Variants in XYLB observed in about 807,000 individuals in gnomAD.
XYLB encodes the protein xylulose kinase.
XYLB carries 62 observed loss-of-function variants against 78.7 expected under a neutral mutation model. The observed-to-expected ratio is 0.79, with a 90% CI of 0.64 to 0.97. The LOEUF (loss-of-function observed/expected upper bound fraction) is 0.97, where lower values mean the gene tolerates loss of function less well. XYLB is among the 50% of genes least tolerant of loss of function. The pLI, the probability that XYLB is intolerant of heterozygous loss-of-function variation, is 0.00. For synonymous variants in XYLB, 245 were observed against 247.4 expected, an observed-to-expected ratio of 0.99 and a Z score of 0.09; for missense variants, 687 against 676.8, an observed-to-expected ratio of 1.02 and a Z score of -0.17.
chr3:38,376,899 C>A lies in XYLB; in HGVS notation c.1121-19C>A, dbSNP rs1308415073. ...TTTTTTGACTAATGACGGCTGATCT[C>A]TTCCTGGTTTTATTTCAGGTTTTTA... On this transcript the variant is annotated intron_variant, in intron 13 of 18. Coordinates refer to ENST00000207870, the MANE Select transcript of XYLB (RefSeq NM_005108.4). The A allele has an allele frequency of 6.2e-7, 1 of 1,608,414 alleles. No individual in the cohort carries two copies. Among genetic ancestry groups the A allele is most frequent in the Non-Finnish European group, 8.5e-7 (1 of 1,175,206 alleles).
At chr3:38,448,517 T>C in the XYLB span, among the ~76,000 whole-genome samples, 1 of 152,228 alleles carries the variant, frequency 6.6e-6, no homozygotes, top group Non-Finnish European at 1.5e-5. Flanking sequence ...CACTTCTGTA[T>C]CTGTTCCTAT....
chr3:38,450,171 C>T, the XYLB span, among the ~76,000 whole-genome samples: 1 of 152,144 alleles, frequency 6.6e-6, no homozygotes, highest in Non-Finnish European at 1.5e-5. Flanking sequence ...AAATTACCCA[C>T]TACAGTGAAT....
intron 17 of XYLB, among the ~76,000 whole-genome samples, chr3:38,397,541 A>AG (rs1157057080): frequency 6.6e-6 from 1 of 152,104 alleles, no homozygotes; most frequent in Non-Finnish European, 1.5e-5. Flanking sequence ...GTTGAAACAA[A>AG]GGGGAAGGCT....
At chr3:38,385,080 A>G (rs1707324024) in intron 15 of XYLB, among the ~76,000 whole-genome samples, 2 of 152,180 alleles carry the variant, frequency 1.3e-5, no homozygotes, top group Admixed American at 6.5e-5. Context: ...AGCTCACTGC[A>G]ACCTTCGCCT....
At chr3:38,422,901 G>A (rs1366677407), downstream of XYLB, among the ~76,000 whole-genome samples, 1 of 152,110 alleles carries the variant, frequency 6.6e-6, no homozygotes, top group African/African-American at 2.4e-5. Context: ...CCATTGTTAA[G>A]CCTCCGGAAC....
At chr3:38,433,887 A>G in the XYLB span, among the ~76,000 whole-genome samples, 1 of 152,106 alleles carries the variant, frequency 6.6e-6, no homozygotes, top group African/African-American at 2.4e-5. Flanking sequence ...CCTGGTACCA[A>G]TTTACCCTAT....
At chr3:38,431,607 G>C in the XYLB span, among the ~76,000 whole-genome samples, 1 of 152,210 alleles carries the variant, frequency 6.6e-6, no homozygotes, top group Non-Finnish European at 1.5e-5. Flanking sequence ...AGTGGTGAGA[G>C]AGGGCATCCC....
intron 13 of XYLB, 152 bp downstream of exon 13, chr3:38,376,384 C>T: frequency 1.6e-6 from 1 of 638,550 alleles, no homozygotes; most frequent in South Asian, 1.8e-5. Context: ...ACACATCCTA[C>T]AAGCTGGTGT....
chr3:38,407,209 A>G (rs1708362090), intron 18 of XYLB, among the ~76,000 whole-genome samples: 1 of 150,092 alleles, frequency 6.7e-6, no homozygotes, highest in Non-Finnish European at 1.5e-5. Flanking sequence ...ACAAGCCAGA[A>G]GAGAGTGGGG....
the XYLB span, among the ~76,000 whole-genome samples, chr3:38,439,004 A>G: frequency 6.6e-6 from 1 of 152,218 alleles, no homozygotes; most frequent in African/African-American, 2.4e-5. Context: ...TTACAATCCT[A>G]GCTACAGAGT....
the XYLB span, among the ~76,000 whole-genome samples, chr3:38,436,758 C>G: frequency 6.6e-6 from 1 of 152,040 alleles, no homozygotes; most frequent in Non-Finnish European, 1.5e-5. Context: ...AATCCCAGCA[C>G]TTTGGGAGGC....
At chr3:38,405,727 A>G (rs1319131626) in intron 18 of XYLB, among the ~76,000 whole-genome samples, 2 of 152,192 alleles carry the variant, frequency 1.3e-5, no homozygotes, top group Non-Finnish European at 2.9e-5. Context: ...GCACCAGGAG[A>G]TTATATCCCG....
At chr3:38,376,016 G>A in intron 12 of XYLB, 101 bp from the exon 13 acceptor site, 1 of 812,940 alleles carries the variant, frequency 1.2e-6, no homozygotes, top group Non-Finnish European at 2.1e-6. Flanking sequence ...TCGTGGTCCA[G>A]CCTGACCTGC....
the XYLB span, among the ~76,000 whole-genome samples, chr3:38,427,934 T>C: frequency 1.9e-4 from 29 of 152,346 alleles, no homozygotes; most frequent in Non-Finnish European, 3.5e-4. Flanking sequence ...ACATAACTGA[T>C]TTAAGACATT....
intron 3 of XYLB, among the ~76,000 whole-genome samples, chr3:38,361,237 G>T (rs1705952614): frequency 6.6e-6 from 1 of 152,096 alleles, no homozygotes; most frequent in Non-Finnish European, 1.5e-5. Flanking sequence ...GACCTAGGGG[G>T]CCACAGGAGC....
chr3:38,392,714 GATTTTATTGTATACTTTGA>G (rs1707720190), intron 15 of XYLB, among the ~76,000 whole-genome samples: 1 of 151,984 alleles, frequency 6.6e-6, no homozygotes. Flanking sequence ...TGATTTGTAG[GATTTTATTGTATACTTTGA>G]ATATTAGGTT....
At chr3:38,397,823 C>CTTTTT (rs71085321) in intron 17 of XYLB, among the ~76,000 whole-genome samples, 1 of 138,624 alleles carries the variant, frequency 7.2e-6, no homozygotes, top group Non-Finnish European at 1.5e-5. Flanking sequence ...TTTTTCTTTT[C>CTTTTT]TTTTTTTTTT....
At chr3:38,423,718 T>C (rs144362893), downstream of XYLB, among the ~76,000 whole-genome samples, 264 of 152,346 alleles carry the variant, frequency 1.7e-3, no homozygotes, top group African/African-American at 5.9e-3. Context: ...GTAAAAAATT[T>C]TCACAGTGTT....
chr3:38,428,104 C>A, the XYLB span, among the ~76,000 whole-genome samples: 1 of 152,028 alleles, frequency 6.6e-6, no homozygotes. Flanking sequence ...AGGTTAATTC[C>A]CAAATATTAG....
Sources: gnomAD v4.1 joint callset for allele counts (sites outside exome capture counted in the v4.1 genomes callset) on GRCh38, gnomAD v4.1.1 for gene constraint, MANE v1.5 for transcripts, NCBI Gene and HGNC (gene_info 2026-07-23, HGNC 2026-07-21) for gene names.